STK33: variants seen among roughly 807,000 people sequenced by gnomAD.
STK33 encodes serine/threonine-protein kinase 33.
Under a neutral mutation model 58.0 loss-of-function variants are expected in STK33, and 52 were observed. That is an observed-to-expected ratio of 0.90 (90% CI 0.72 to 1.13). STK33 has a LOEUF of 1.13. Among genes scored for constraint, STK33 ranks in the 50% most tolerant of loss-of-function variants. The probability of loss-of-function intolerance (pLI) is 0.00; values close to 1 mark genes in which losing one functional copy is unlikely to be tolerated. For missense variants in STK33, 630 were observed against 604.2 expected, an observed-to-expected ratio of 1.04 and a Z score of -0.45; for synonymous variants, 215 against 200.1, an observed-to-expected ratio of 1.07 and a Z score of -0.63.
Position 8,435,540 on chromosome 11 carries a change from GC to G in STK33, c.1099del (p.Ala367LeufsTer10). On this transcript the variant is annotated frameshift_variant, in exon 14 of 16. Coordinates refer to ENST00000687296, the MANE Select transcript of STK33 (RefSeq NM_001352389.2). LOFTEE classifies it high-confidence loss of function. ...VLKQLMKVDPAHRITAKELLD... is the reference protein window; with the variant it reads ...VLKQLMKVDPXHRITAKELLD... Reference sequence around the variant, plus strand: ...TAGTTCCTTAGCTGTGATTCTGTGAGCAGGATCTACTTTCATAAGTTGTTTC... The same window carrying G: ...TAGTTCCTTAGCTGTGATTCTGTGAGAGGATCTACTTTCATAAGTTGTTTC... 1 of 1,522,856 alleles carries G rather than the reference GC, an allele frequency of 6.6e-7. No homozygotes were observed. Among genetic ancestry groups the G allele is most frequent in the East Asian group, 2.3e-5 (1 of 42,996 alleles). 94.3% of individuals were successfully genotyped at this position (1,522,856 alleles called of 1,614,324 possible).
intron 6 of STK33, among the ~76,000 whole-genome samples, chr11:8,470,271 T>C (rs1255674838): frequency 1.3e-5 from 2 of 152,260 alleles, no homozygotes; most frequent in African/African-American, 4.8e-5. Context: ...TTTTATGTTA[T>C]AGAGACAGCT....
Position 8,393,072 on chromosome 11 carries a change from C to A in STK33, c.1345-362G>T, listed in dbSNP as rs1848795907. ...ACAAGCTCTGACATTTGTATGGATA[C>A]CCTGATAAGTACAATATAATTATTC... On this transcript the variant is annotated intron_variant, in intron 15 of 15. Coordinates refer to ENST00000687296, the MANE Select transcript of STK33 (RefSeq NM_001352389.2). Among the ~76,000 whole-genome samples the A allele has an allele frequency of 2.0e-5, 3 of 152,208 alleles. No homozygotes were observed. In the South Asian group the frequency reaches 6.2e-4, roughly 31 times the overall value.
At chr11:8,425,738 A>G (rs999560404) in intron 14 of STK33, among the ~76,000 whole-genome samples, 1 of 152,174 alleles carries the variant, frequency 6.6e-6, no homozygotes, top group Non-Finnish European at 1.5e-5. Flanking sequence ...TTTTAAACCA[A>G]TGTACTTGTA....
At position 8,473,246 on chromosome 11, in the gene STK33, C is replaced by T; in HGVS notation, c.256G>A (p.Ala86Thr). The change falls in exon 6 of 16, where the codon GCA (alanine) becomes ACA (threonine). Residue 86 changes from alanine (A) to threonine (T), a missense_variant. Transcript: ENST00000687296. ...PSRTSNVERK[A>T]SQQQWGRGNF... ...CCCCGACCCCATTGTTGCTGAGATG[C>T]TTTTCTCTCTACATTTGAGGTTCTT... 1 of 1,612,082 alleles carries T rather than the reference C, an allele frequency of 6.2e-7. No homozygotes were observed. The highest frequency in any genetic ancestry group is 8.5e-7 in the Non-Finnish European group (1 of 1,179,418).
At chr11:8,356,445 C>T in the STK33 span, among the ~76,000 whole-genome samples, 2 of 151,956 alleles carry the variant, frequency 1.3e-5, no homozygotes, top group East Asian at 1.9e-4. Context: ...ACCGACGGCT[C>T]GCCACTGTCA....
At chr11:8,534,532 TTCTCTCTCTCTCTC>T (rs61429377) in intron 1 of STK33, among the ~76,000 whole-genome samples, 9 of 122,450 alleles carry the variant, frequency 7.3e-5, no homozygotes, top group Admixed American at 1.8e-4. Flanking sequence ...GTATATATAT[TTCTCTCTCTCTCTC>T]TCTCTCTCTC....
intron 15 of STK33, among the ~76,000 whole-genome samples, chr11:8,395,203 C>A (rs1849127570): frequency 6.6e-6 from 1 of 152,144 alleles, no homozygotes; most frequent in Non-Finnish European, 1.5e-5. Context: ...ATTGTAGCTC[C>A]CATAATTCCG....
chr11:8,481,970 T>C (rs1949840662), intron 1 of STK33, among the ~76,000 whole-genome samples: 1 of 152,176 alleles, frequency 6.6e-6, no homozygotes, highest in African/African-American at 2.4e-5. Context: ...TAACTAACAA[T>C]AACTGGTTTG....
At chr11:8,418,403 C>T (rs185405162) in intron 14 of STK33, among the ~76,000 whole-genome samples, 156 of 152,226 alleles carry the variant, frequency 1.0e-3, no homozygotes, top group African/African-American at 3.7e-3. Flanking sequence ...AGCCATGTTC[C>T]CGCAAAAGAC....
At chr11:8,385,394 C>T in the STK33 span, among the ~76,000 whole-genome samples, 1 of 152,172 alleles carries the variant, frequency 6.6e-6, no homozygotes, top group African/African-American at 2.4e-5. Flanking sequence ...TCTCCCCTTC[C>T]CTGATCATCC....
In STK33 at chr11:8,524,179, A is replaced by G. The variant is rs1263953260; in HGVS notation, c.-465-43565T>C. Among the ~76,000 whole-genome samples the G allele has an allele frequency of 3.3e-5, 5 of 152,336 alleles. No homozygotes were observed. In the East Asian group the frequency reaches 9.6e-4, roughly 29 times the overall value. ...AAGTACCCAGGGACACAAACACGGC[A>G]GAAGGCCGCAGGGTCCTCTGCCTAG... On this transcript the variant is annotated intron_variant, in intron 1 of 15. Transcript: ENST00000687296.
chr11:8,575,817 G>A (rs1049881847), intron 1 of STK33, among the ~76,000 whole-genome samples: 11 of 152,182 alleles, frequency 7.2e-5, no homozygotes, highest in South Asian at 2.1e-4. Context: ...TTGGGTTAAC[G>A]TTTGAAAATC....
Position 8,474,723 on chromosome 11 carries a change from T to C in STK33, c.183A>G (p.Lys61=). ...AESLISLERK[K]EKNINRDITS... The stretch of plus-strand genomic sequence containing the variant: ...TTATATCTCTGTTGATATTTTTTTC[T>C]TTTTTTCTCTCCAGTGAAATTAAAG... The change falls in exon 5 of 16, where the codon AAA becomes AAG. Residue 61 remains lysine (K), a synonymous_variant. Transcript: ENST00000687296. 1 of 1,611,950 alleles carries C rather than the reference T, an allele frequency of 6.2e-7. No homozygotes were observed. The highest frequency in any genetic ancestry group is 1.1e-5 in the South Asian group (1 of 90,380).
intron 1 of STK33, among the ~76,000 whole-genome samples, chr11:8,516,636 T>C (rs752334073): frequency 3.3e-5 from 5 of 152,180 alleles, no homozygotes; most frequent in Non-Finnish European, 7.3e-5. Context: ...CCCACCCTAA[T>C]AGTGCACTTT....
intron 1 of STK33, among the ~76,000 whole-genome samples, chr11:8,523,370 T>C (rs1422525973): frequency 7.8e-6 from 1 of 127,836 alleles, no homozygotes; most frequent in East Asian, 2.5e-4. Flanking sequence ...CGGCCGCCCA[T>C]CGTCTGGGAT....
intron 11 of STK33, among the ~76,000 whole-genome samples, chr11:8,445,044 G>A (rs1229873094): frequency 6.6e-6 from 1 of 151,666 alleles, no homozygotes; most frequent in Non-Finnish European, 1.5e-5. Flanking sequence ...TTCCATTTGT[G>A]TCCTCTCTTA....
chr11:8,480,916 G>A (rs1949742143), intron 1 of STK33, among the ~76,000 whole-genome samples: 1 of 152,138 alleles, frequency 6.6e-6, no homozygotes, highest in Non-Finnish European at 1.5e-5. Flanking sequence ...GAGTAAATCT[G>A]GGAAGTCTGC....
intron 15 of STK33, among the ~76,000 whole-genome samples, chr11:8,393,440 T>G (rs960807287): frequency 1.3e-5 from 2 of 152,208 alleles, no homozygotes; most frequent in African/African-American, 4.8e-5. Context: ...CCTGCTGTCA[T>G]GAGGGAAGCA....
the STK33 span, among the ~76,000 whole-genome samples, chr11:8,361,853 A>G: frequency 2.0e-5 from 3 of 152,300 alleles, no homozygotes; most frequent in South Asian, 6.2e-4. This position sits in a 1 kb window ranked among gnomAD's most constrained non-coding sequence, Gnocchi z 4.8. Flanking sequence ...CCACTGCTGG[A>G]TCCCCTGCCC....
Sources: gnomAD v4.1 joint callset for allele counts (sites outside exome capture counted in the v4.1 genomes callset) on GRCh38, gnomAD v4.1.1 for gene constraint, Gnocchi (gnomAD v3.1) non-coding constraint, MANE v1.5 for transcripts, NCBI Gene and HGNC (gene_info 2026-07-23, HGNC 2026-07-21) for gene names.